Variants in EFTUD2 observed in about 807,000 individuals in gnomAD.
EFTUD2 encodes the protein 116 kDa U5 small nuclear ribonucleoprotein component.
Under a neutral mutation model 114.3 loss-of-function variants are expected in EFTUD2, and 9 were observed. That is an observed-to-expected ratio of 0.08 (90% CI 0.05 to 0.14). EFTUD2 has a LOEUF of 0.14. EFTUD2 is among the 10% of genes least tolerant of loss of function. The pLI, the probability that EFTUD2 is intolerant of heterozygous loss-of-function variation, is 1.00. For missense variants in EFTUD2, 765 were observed against 1,241.2 expected, an observed-to-expected ratio of 0.62 and a Z score of 5.76; for synonymous variants, 449 against 462.3, an observed-to-expected ratio of 0.97 and a Z score of 0.37.
rs573703155 is a variant in EFTUD2, at chr17:44,889,930, G to A, written c.106-3180C>T. Among the ~76,000 whole-genome samples, 13 of 152,280 alleles carry A rather than the reference G, an allele frequency of 8.5e-5. No homozygotes were observed. The South Asian group carries it at 1.2e-3, about 15-fold the overall frequency. ...TGACTGCCTGTAATTATCTCTATCCGAGTCTACAGTAGCTCAACAAGTCTA... is the reference window on the plus strand; with the variant it reads ...TGACTGCCTGTAATTATCTCTATCCAAGTCTACAGTAGCTCAACAAGTCTA... On this transcript the variant is annotated intron_variant, in intron 2 of 27. Coordinates refer to ENST00000426333, the MANE Select transcript of EFTUD2 (RefSeq NM_004247.4).
At chr17:44,882,227 C>T (rs2051084886) in intron 6 of EFTUD2, among the ~76,000 whole-genome samples, 1 of 152,084 alleles carries the variant, frequency 6.6e-6, no homozygotes, top group African/African-American at 2.4e-5. Flanking sequence ...AGCCACCACA[C>T]ATGGCTGGGT....
Position 44,883,694 on chromosome 17 carries a change from C to T in EFTUD2, c.381G>A (p.Glu127=), listed in dbSNP as rs769823986. The T allele has an allele frequency of 6.2e-7, 1 of 1,614,164 alleles. No individual in the cohort carries two copies. The highest frequency in any genetic ancestry group is 8.5e-7 in the Non-Finnish European group (1 of 1,180,022). Residue 127 remains glutamate, a synonymous_variant, in exon 5 of 28, where the codon GAG becomes GAA. Coordinates refer to ENST00000426333, the MANE Select transcript of EFTUD2 (RefSeq NM_004247.4). ...DFLADLMDNS[E]LIRNVTLCGH... is the part of the protein sequence containing the mutation. ...CACAAAGGGTCACATTTCTGATGAG[C>T]TCTGAGTTATCCATCAGATCCGCCA...
At chr17:44,857,920 CTT>C (rs528299306) in intron 19 of EFTUD2, among the ~76,000 whole-genome samples, 27 of 127,494 alleles carry the variant, frequency 2.1e-4, no homozygotes, top group African/African-American at 3.7e-4. Flanking sequence ...TTTCTTTTTC[CTT>C]TTTTTTTTTT....
At chr17:44,889,265 G>A (rs1051838218) in intron 2 of EFTUD2, among the ~76,000 whole-genome samples, 3 of 152,160 alleles carry the variant, frequency 2.0e-5, no homozygotes, top group African/African-American at 2.4e-5. Flanking sequence ...TGTGGAATGC[G>A]AGAGGCAAAA....
intron 5 of EFTUD2, 140 bp from the exon 6 acceptor site, chr17:44,883,298 A>G: frequency 1.5e-6 from 1 of 680,622 alleles, no homozygotes. Flanking sequence ...ACAGCAAATA[A>G]TTAACACTGA....
chr17:44,854,282 G>A lies in EFTUD2; in HGVS notation c.2334C>T (p.Pro778=), dbSNP rs145252000. The change falls in exon 23 of 28, where the codon CCC becomes CCT. Residue 778 remains proline, a synonymous_variant. Coordinates refer to ENST00000426333, the MANE Select transcript of EFTUD2 (RefSeq NM_004247.4). This position sits in a 1 kb window ranked among gnomAD's most constrained non-coding sequence, Gnocchi z 4.3. The part of the protein sequence containing the change: ...QGFQWGTREG[P]LCDELIRNVK... Reference sequence around the variant, plus strand: ...TGGTGGACTTACATTCATCACAGAGGGGGCCCTCCCTGGTTCCCCACTGGA... The same window carrying A: ...TGGTGGACTTACATTCATCACAGAGAGGGCCCTCCCTGGTTCCCCACTGGA... The A allele has an allele frequency of 1.8e-5, 29 of 1,613,428 alleles. No homozygotes were observed. The highest frequency in any genetic ancestry group is 4.2e-6 in the Non-Finnish European group (5 of 1,179,790).
At chr17:44,879,817 C>G (rs966433612) in intron 8 of EFTUD2, among the ~76,000 whole-genome samples, 179 bp from the exon 9 acceptor site, 2 of 152,052 alleles carry the variant, frequency 1.3e-5, no homozygotes. Flanking sequence ...TTGCATTAAG[C>G]TTTCCTACGG....
chr17:44,893,060 C>T (rs950779125), intron 2 of EFTUD2, among the ~76,000 whole-genome samples: 6 of 152,056 alleles, frequency 3.9e-5, no homozygotes, highest in Admixed American at 2.6e-4. Flanking sequence ...ACCTAGTAAT[C>T]CTATCAAGAG....
At position 44,858,714 on chromosome 17, in the gene EFTUD2, A is replaced by G. The variant is rs533330446; in HGVS notation, c.1962+366T>C. Among the ~76,000 whole-genome samples the G allele has an allele frequency of 5.2e-4, 79 of 152,236 alleles. 1 individual carries two copies. Among genetic ancestry groups the G allele is most frequent in the Non-Finnish European group, 9.0e-4 (61 of 68,024 alleles). ...CACCTCAGTCTCCCAAAGTGCTGCA[A>G]TTACAGCAACGGACCACCATGCCCG... On this transcript the variant is annotated intron_variant, in intron 19 of 27. Transcript: ENST00000426333.
chr17:44,866,588 A>G (rs2145482974), intron 13 of EFTUD2, among the ~76,000 whole-genome samples: 1 of 152,144 alleles, frequency 6.6e-6, no homozygotes, highest in East Asian at 1.9e-4. Context: ...CATGTTGCCC[A>G]GGCTGGTCTT....
In EFTUD2 at chr17:44,852,451, G is replaced by C. The variant is rs749576832; in HGVS notation, c.2673C>G (p.Thr891=). 38 of 1,614,078 alleles carry C rather than the reference G, an allele frequency of 2.4e-5. No homozygotes were observed. The highest frequency in any genetic ancestry group is 3.1e-5 in the Non-Finnish European group (36 of 1,180,030). The change falls in exon 26 of 28, where the codon ACC becomes ACG. Residue 891 remains threonine (T), a synonymous_variant. Coordinates refer to ENST00000426333, the MANE Select transcript of EFTUD2 (RefSeq NM_004247.4). ...CAGACAGAGAAAAGGCTTGTCCCTG[G>C]GTGTGAGTCCGGAGATCAGTCTCAA... ...FGFETDLRTH[T]QGQAFSLSVF... is the part of the protein sequence containing the mutation.
rs916190607 is a variant in EFTUD2 at position 44,879,443 on chromosome 17, C to T, written c.702+113G>A. 4 of 1,058,598 alleles carry T rather than the reference C, an allele frequency of 3.8e-6. No homozygotes were observed. The African/African-American group carries it at 4.7e-5, about 13-fold the overall frequency. 65.6% of individuals were successfully genotyped at this position (1,058,598 alleles called of 1,614,324 possible). A position where few individuals can be genotyped will look rare whatever the true frequency, so the allele number is the denominator to read the frequency against. On this transcript the variant is annotated intron_variant, in intron 9 of 27. Transcript: ENST00000426333. ...TTTAGAGCAAATTTGAGCCTTAATC[C>T]CAGAGAGTTTCAAGTTCTCTGGCTC... is the stretch of plus-strand genomic sequence containing the variant.
Position 44,851,023 on chromosome 17 carries a change from T to C in EFTUD2, c.*251A>G, listed in dbSNP as rs1028383819. On this transcript the variant is annotated 3_prime_UTR_variant, in exon 28 of 28. Transcript: ENST00000426333. ...CCCCTTGGGGTTTCATCCCCTTCTC[T>C]TTCTGTGAGCCCAAGCTCCTCTCTT... 1.3e-5 allele frequency: 6 copies of C among 477,858 alleles called. No individual in the cohort carries two copies. The highest frequency in any genetic ancestry group is 2.3e-5 in the Non-Finnish European group (6 of 264,102). 29.6% of individuals were successfully genotyped at this position (477,858 alleles called of 1,614,324 possible).
In EFTUD2 at chr17:44,857,030, T is replaced by G. The variant is rs1373583090; in HGVS notation, c.2045+45A>C. 2.0e-6 allele frequency: 3 copies of G among 1,502,666 alleles called. No homozygotes were observed. In the African/African-American group the frequency reaches 4.1e-5, roughly 21 times the overall value. 93.1% of individuals were successfully genotyped at this position (1,502,666 alleles called of 1,614,324 possible). A position where few individuals can be genotyped will look rare whatever the true frequency, so the allele number is the denominator to read the frequency against. ...GAGGTGGAAGATAAAGGAGAGAGAG[T>G]GTCCAGGAGGCTGCAGTCCCAGGGA... On this transcript the variant is annotated intron_variant, in intron 20 of 27. Coordinates refer to ENST00000426333, the MANE Select transcript of EFTUD2 (RefSeq NM_004247.4).
intron 19 of EFTUD2, 75 bp from the exon 20 acceptor site, chr17:44,857,232 C>G (rs2050573588): frequency 3.1e-6 from 4 of 1,274,638 alleles, no homozygotes; most frequent in Non-Finnish European, 4.6e-6. Flanking sequence ...TAAGGGAATT[C>G]AGAAGCTCCC....
At chr17:44,895,333 T>C (rs2051360452) in intron 1 of EFTUD2, among the ~76,000 whole-genome samples, 1 of 152,062 alleles carries the variant, frequency 6.6e-6, no homozygotes, top group Non-Finnish European at 1.5e-5. Flanking sequence ...CTGTCTCTAC[T>C]AAAAATACAA....
intron 19 of EFTUD2, among the ~76,000 whole-genome samples, chr17:44,857,999 G>A (rs1390567471): frequency 7.1e-6 from 1 of 140,154 alleles, no homozygotes. Flanking sequence ...TTGGCTCACT[G>A]CAACCTCTGC....
chr17:44,888,089 G>C (rs1294670285), intron 2 of EFTUD2, among the ~76,000 whole-genome samples: 1 of 152,216 alleles, frequency 6.6e-6, no homozygotes, highest in Non-Finnish European at 1.5e-5. Context: ...GAGCATTCTA[G>C]TCGGCTGGTG....
intron 1 of EFTUD2, among the ~76,000 whole-genome samples, chr17:44,898,680 C>G (rs549734411): frequency 6.6e-6 from 1 of 152,208 alleles, no homozygotes; most frequent in Non-Finnish European, 1.5e-5. Context: ...AAAATGTCAT[C>G]TTCTCTGTCA....
Sources: allele counts gnomAD v4.1 joint callset (sites outside exome capture counted in the v4.1 genomes callset), GRCh38; gene constraint gnomAD v4.1.1; non-coding constraint Gnocchi (gnomAD v3.1); transcripts MANE v1.5; gene names NCBI Gene and HGNC (gene_info 2026-07-23, HGNC 2026-07-21).